The following SP140L variants were observed in gnomAD, a reference collection of about 807,000 sequenced individuals.
SP140L encodes nuclear body protein SP140-like protein.
A neutral mutation model predicts 84.3 loss-of-function variants in SP140L; 64 were observed. That is an observed-to-expected ratio of 0.76 (90% CI 0.62 to 0.94). The LOEUF is 0.94. Among genes scored for constraint, SP140L ranks in the 40% least tolerant of loss-of-function variants. The pLI is 0.00. For synonymous variants in SP140L, 242 were observed against 236.9 expected, an observed-to-expected ratio of 1.02 and a Z score of -0.20; for missense variants, 628 against 692.5, an observed-to-expected ratio of 0.91 and a Z score of 1.05.
At chr2:230,400,501 T>C (rs1224797329) in intron 15 of SP140L, 14 of 501,082 alleles carry the variant, frequency 2.8e-5, no homozygotes, top group Admixed American at 1.7e-4. Flanking sequence ...GGTATTGTCC[T>C]TTCCTTGAAG....
chr2:230,361,787 G>T lies in SP140L; in HGVS notation c.523+90G>T, dbSNP rs1366864298. 9 of 951,984 alleles carry T rather than the reference G, an allele frequency of 9.5e-6. 1 individual carries two copies. The African/African-American group carries it at 1.0e-4, about 11-fold the overall frequency. 59.0% of individuals were successfully genotyped at this position (951,984 alleles called of 1,614,324 possible). On this transcript the variant is annotated intron_variant, in intron 5 of 18. Coordinates refer to ENST00000415673, the MANE Select transcript of SP140L (RefSeq NM_138402.6). ...GGGCCCAAGGTCCTGAGGGGAAATT[G>T]TGAAACAGGGAAGACACAGGGAAGG...
Position 230,400,253 on chromosome 2 carries a change from T to C in SP140L, c.1313+11T>C, listed in dbSNP as rs1330786107. 11 of 1,613,070 alleles carry C rather than the reference T, an allele frequency of 6.8e-6. No homozygotes were observed. The highest frequency in any genetic ancestry group is 9.3e-6 in the Non-Finnish European group (11 of 1,179,184). ...TGTGGAAAGTGAGAAGTAAGTGACA[T>C]GCAGGCACCTCTCTTTCATCCTTTA... On this transcript the variant is annotated intron_variant, in intron 15 of 18. Transcript: ENST00000415673.
At chr2:230,371,945 C>T in intron 7 of SP140L, 1 of 321,820 alleles carries the variant, frequency 3.1e-6, no homozygotes, top group South Asian at 3.5e-5. Context: ...GAGTGGAGAA[C>T]TTTTCCTGGC....
At chr2:230,360,600 ATTTAC>A (rs2060683885) in intron 4 of SP140L, among the ~76,000 whole-genome samples, 1 of 152,224 alleles carries the variant, frequency 6.6e-6, no homozygotes, top group African/African-American at 2.4e-5. Flanking sequence ...ATAGTGTTAC[ATTTAC>A]TGCCCACATT....
At chr2:230,391,121 C>A (rs2061784797) in intron 11 of SP140L, among the ~76,000 whole-genome samples, 1 of 152,144 alleles carries the variant, frequency 6.6e-6, no homozygotes. Flanking sequence ...TTTTGTTTAT[C>A]CATTCATCAA....
At chr2:230,389,015 T>A (rs886605611) in intron 10 of SP140L, among the ~76,000 whole-genome samples, 2 of 152,350 alleles carry the variant, frequency 1.3e-5, no homozygotes, top group Admixed American at 6.5e-5. Context: ...TGGTTAGAGA[T>A]CTGTGTCCTA....
intron 5 of SP140L, among the ~76,000 whole-genome samples, chr2:230,368,972 A>G (rs1290731783): frequency 3.9e-5 from 6 of 152,202 alleles, no homozygotes; most frequent in Non-Finnish European, 7.4e-5. Context: ...GGGGTGAGCT[A>G]TGAGGAGATT....
rs1575564157 is a variant in SP140L, at chr2:230,401,297, G to A, written c.1423-69G>A. 5 of 1,611,440 alleles carry A rather than the reference G, an allele frequency of 3.1e-6. No individual in the cohort carries two copies. In the East Asian group the frequency reaches 1.1e-4, roughly 36 times the overall value. The stretch of plus-strand genomic sequence containing the variant: ...TGAGGAAGAAGGGTGTGAGTCGTGT[G>A]CTGTGTCTCATGCATGTGGGCTCAT... On this transcript the variant is annotated intron_variant, in intron 16 of 18. Coordinates refer to ENST00000415673, the MANE Select transcript of SP140L (RefSeq NM_138402.6).
intron 15 of SP140L, 56 bp downstream of exon 15, chr2:230,400,298 T>C (rs2062261426): frequency 6.5e-7 from 1 of 1,542,522 alleles, no homozygotes; most frequent in Non-Finnish European, 8.9e-7. Flanking sequence ...CCACCTGCCA[T>C]GCGCACTCTC....
rs1359325894 is a variant in SP140L, at chr2:230,392,109, G to A, written c.987G>A (p.Gln329=). 6.2e-7 allele frequency: 1 copy of A among 1,613,996 alleles called. No individual in the cohort carries two copies. Among genetic ancestry groups the A allele is most frequent in the Admixed American group, 1.7e-5 (1 of 59,998 alleles). Residue 329 remains glutamine (Q), a synonymous_variant, in exon 12 of 19, where the codon CAG becomes CAA. Coordinates refer to ENST00000415673, the MANE Select transcript of SP140L (RefSeq NM_138402.6). ...CAGGAACCTTGGCAAAGTGTATACAGACTGAGGATGGAAAATGGTTCACCC... is the reference window on the plus strand; with the variant it reads ...CAGGAACCTTGGCAAAGTGTATACAAACTGAGGATGGAAAATGGTTCACCC... ...LEQGTLAKCI[Q]TEDGKWFTPM...
Position 230,327,215 on chromosome 2 carries a change from A to G in SP140L, c.-55A>G, listed in dbSNP as rs1042370467. On this transcript the variant is annotated 5_prime_UTR_variant, in exon 1 of 19. Coordinates refer to ENST00000415673, the MANE Select transcript of SP140L (RefSeq NM_138402.6). ...GCCACACTGCACGCAGGCTGGGCCG[A>G]CTGGGGAGCTCATAGGCCAGGCTCT... is the stretch of plus-strand genomic sequence containing the variant. 7 of 1,577,800 alleles carry G rather than the reference A, an allele frequency of 4.4e-6. No individual in the cohort carries two copies. In the African/African-American group the frequency reaches 9.5e-5, roughly 21 times the overall value.
chr2:230,376,453 A>C (rs1420832354), intron 7 of SP140L, among the ~76,000 whole-genome samples: 1 of 152,222 alleles, frequency 6.6e-6, no homozygotes, highest in African/African-American at 2.4e-5. Flanking sequence ...GAACTATCCA[A>C]AAAGAAATTA....
rs1575562041 is a variant in SP140L at position 230,400,517 on chromosome 2, C to A, written c.1313+275C>A. 2.1e-6 allele frequency: 1 copy of A among 485,392 alleles called. No individual in the cohort carries two copies. Among genetic ancestry groups the A allele is most frequent in the East Asian group, 3.8e-5 (1 of 26,098 alleles). 30.1% of individuals were successfully genotyped at this position (485,392 alleles called of 1,614,324 possible). ...GTATTGTCCTTTCCTTGAAGTTTTGCAGTAGGGTCTCCTGTCCCAGGGGGT... is the reference window on the plus strand; with the variant it reads ...GTATTGTCCTTTCCTTGAAGTTTTGAAGTAGGGTCTCCTGTCCCAGGGGGT... On this transcript the variant is annotated intron_variant, in intron 15 of 18. Coordinates refer to ENST00000415673, the MANE Select transcript of SP140L (RefSeq NM_138402.6).
chr2:230,362,359 A>G (rs910691292), intron 5 of SP140L, among the ~76,000 whole-genome samples: 1 of 152,178 alleles, frequency 6.6e-6, no homozygotes, highest in South Asian at 2.1e-4. Context: ...ACTGAAATAT[A>G]TATTTCTTAT....
chr2:230,354,897 GGAAAGAGAAAGAAGAAAGAA>G (rs2060490404), intron 2 of SP140L, among the ~76,000 whole-genome samples: 1 of 114,308 alleles, frequency 8.7e-6, no homozygotes, highest in African/African-American at 3.2e-5. Context: ...AAGAAAGAAA[GGAAAGAGAAAGAAGAAAGAA>G]AAAGAAAGAA....
At chr2:230,382,073 C>T (rs2061426504) in intron 7 of SP140L, among the ~76,000 whole-genome samples, 1 of 152,122 alleles carries the variant, frequency 6.6e-6, no homozygotes, top group South Asian at 2.1e-4. Context: ...GTGTGTGTGG[C>T]TGGGGAGAGG....
rs1033816885 is a variant in SP140L, at chr2:230,391,862, C to T, written c.965-225C>T. The T allele has an allele frequency of 1.2e-5, 6 of 518,166 alleles. No homozygotes were observed. The South Asian group carries it at 1.5e-4, about 13-fold the overall frequency. The allele number at this position is 518,166 out of a possible 1,614,324, so 32.1% of individuals were successfully genotyped here. On this transcript the variant is annotated intron_variant, in intron 11 of 18. Coordinates refer to ENST00000415673, the MANE Select transcript of SP140L (RefSeq NM_138402.6). ...GCTCTTGCTGATAACCATCACTCTCCTCATGGGTGAAGGTCAAAGACATGT... is the reference window on the plus strand; with the variant it reads ...GCTCTTGCTGATAACCATCACTCTCTTCATGGGTGAAGGTCAAAGACATGT...
At chr2:230,400,763 G>A in intron 15 of SP140L, 192 bp from the exon 16 acceptor site, 1 of 1,327,570 alleles carries the variant, frequency 7.5e-7, no homozygotes, top group South Asian at 1.4e-5. Context: ...CCCTCCTGCT[G>A]CTACCACTGA....
chr2:230,371,677 C>A lies in SP140L; in HGVS notation c.637+26C>A, dbSNP rs754288147. The A allele has an allele frequency of 2.6e-6, 4 of 1,537,518 alleles. No individual in the cohort carries two copies. The South Asian group carries it at 4.6e-5, about 18-fold the overall frequency. On this transcript the variant is annotated intron_variant, in intron 7 of 18. Transcript: ENST00000415673. ...GTAAGAATAAATAAGAATTTACTTG[C>A]TTTTGATGTTACAAATACATTTTTA...
Sources: gnomAD v4.1 joint callset for allele counts (sites outside exome capture counted in the v4.1 genomes callset) on GRCh38, gnomAD v4.1.1 for gene constraint, MANE v1.5 for transcripts, NCBI Gene and HGNC (gene_info 2026-07-23, HGNC 2026-07-21) for gene names.